Variants in TYR observed in about 807,000 individuals in gnomAD.
TYR encodes LB24-AB.
In TYR, 58 loss-of-function variants were observed where a neutral mutation model predicts 51.5. That is an observed-to-expected ratio of 1.13 (90% CI 0.91 to 1.40). TYR has a LOEUF of 1.40. Among genes scored for constraint, TYR ranks in the 40% most tolerant of loss-of-function variants. The pLI is 0.00. For missense variants in TYR, 732 were observed against 647.4 expected, an observed-to-expected ratio of 1.13 and a Z score of -1.42; for synonymous variants, 263 against 235.2, an observed-to-expected ratio of 1.12 and a Z score of -1.08.
chr11:89,287,416 T>C (rs1335632436), intron 4 of TYR, among the ~76,000 whole-genome samples: 1 of 151,972 alleles, frequency 6.6e-6, no homozygotes, highest in Non-Finnish European at 1.5e-5. Context: ...TTGTTTATTC[T>C]TTACATACAC....
In TYR at chr11:89,227,972, T is replaced by C. The variant is rs758119014; in HGVS notation, c.1184+2T>C. The C allele has an allele frequency of 1.2e-6, 2 of 1,613,138 alleles. No individual in the cohort carries two copies. Among genetic ancestry groups the C allele is most frequent in the South Asian group, 2.2e-5 (2 of 91,064 alleles). On this transcript the variant is annotated splice_donor_variant, in intron 3 of 4. Coordinates refer to ENST00000263321, the MANE Select transcript of TYR (RefSeq NM_000372.5). LOFTEE classifies it high-confidence loss of function. ...TCTTCACCATGCATTTGTTGACAGG[T>C]TGGTTAATATTTCTTTATAAATAAC...
intron 4 of TYR, among the ~76,000 whole-genome samples, chr11:89,285,634 T>C (rs1162884395): frequency 2.0e-5 from 3 of 151,794 alleles, no homozygotes; most frequent in Non-Finnish European, 4.4e-5. Flanking sequence ...TCCTTCTACC[T>C]GAAAGTCCAC....
chr11:89,261,838 C>A (rs1167621599), intron 3 of TYR, among the ~76,000 whole-genome samples: 2 of 151,572 alleles, frequency 1.3e-5, no homozygotes, highest in African/African-American at 4.8e-5. Context: ...AGATTGAAAT[C>A]ATACAAGGTA....
intron 1 of TYR, among the ~76,000 whole-genome samples, chr11:89,188,741 T>C (rs1308244919): frequency 6.7e-6 from 1 of 149,382 alleles, no homozygotes; most frequent in Non-Finnish European, 1.5e-5. Context: ...AATGAAGATA[T>C]GAATAACCCA....
intron 2 of TYR, among the ~76,000 whole-genome samples, chr11:89,225,896 A>C (rs1359072346): frequency 1.3e-5 from 2 of 152,026 alleles, no homozygotes; most frequent in Non-Finnish European, 2.9e-5. Context: ...GAGGTGATTG[A>C]TATTCCAATT....
intron 3 of TYR, among the ~76,000 whole-genome samples, chr11:89,269,368 T>C (rs1944562959): frequency 6.6e-6 from 1 of 151,960 alleles, no homozygotes; most frequent in Non-Finnish European, 1.5e-5. Context: ...GCTCATTTTA[T>C]TTGAGTGCAA....
At chr11:89,290,337 A>T (rs1290836742) in intron 4 of TYR, among the ~76,000 whole-genome samples, 1 of 152,074 alleles carries the variant, frequency 6.6e-6, no homozygotes, top group Non-Finnish European at 1.5e-5. Flanking sequence ...GACCACTTGG[A>T]ATGAATTAAA....
At chr11:89,180,785 T>C (rs1943290902) in intron 1 of TYR, among the ~76,000 whole-genome samples, 2 of 152,164 alleles carry the variant, frequency 1.3e-5, no homozygotes, top group Admixed American at 1.3e-4. Flanking sequence ...CAAGGGCTTA[T>C]TAGTGGCAAA....
chr11:89,210,501 C>G (rs557993967), intron 2 of TYR, among the ~76,000 whole-genome samples: 1 of 152,254 alleles, frequency 6.6e-6, no homozygotes, highest in African/African-American at 2.4e-5. Context: ...GATTCGTGTA[C>G]CTGAAAGTGA....
chr11:89,198,233 A>G (rs955823062), intron 2 of TYR, among the ~76,000 whole-genome samples: 5 of 152,124 alleles, frequency 3.3e-5, no homozygotes, highest in Non-Finnish European at 7.4e-5. Context: ...ACAACAAAAA[A>G]AAAGGTCACA....
At chr11:89,216,752 A>T (rs780188046) in intron 2 of TYR, among the ~76,000 whole-genome samples, 1 of 151,754 alleles carries the variant, frequency 6.6e-6, no homozygotes, top group African/African-American at 2.4e-5. Flanking sequence ...GATCTTCAAG[A>T]TCTGGTAGTG....
intron 2 of TYR, among the ~76,000 whole-genome samples, chr11:89,223,463 T>C (rs1591165624): frequency 6.6e-6 from 1 of 152,288 alleles, no homozygotes. Context: ...AAATAGTTTG[T>C]TCACATTTTT....
chr11:89,251,817 A>C (rs1944333544), intron 3 of TYR, among the ~76,000 whole-genome samples: 1 of 151,792 alleles, frequency 6.6e-6, no homozygotes, highest in African/African-American at 2.4e-5. Context: ...CCTTAACACC[A>C]ATGATCCCTG....
intron 3 of TYR, among the ~76,000 whole-genome samples, chr11:89,229,202 A>G (rs1274573389): frequency 1.3e-5 from 2 of 152,110 alleles, no homozygotes; most frequent in Admixed American, 1.3e-4. Context: ...GCAGATTTTT[A>G]TTGGCTTCAT....
At position 89,231,683 on chromosome 11, in the gene TYR, C is replaced by T. The variant is rs759167393; in HGVS notation, c.1184+3713C>T. Among the ~76,000 whole-genome samples, 21 of 142,410 alleles carry T rather than the reference C, an allele frequency of 1.5e-4. 2 individuals are homozygous for T. The highest frequency in any genetic ancestry group is 2.0e-4 in the African/African-American group (7 of 35,840). The allele number at this position is 142,410 out of a possible 152,430, so 93.4% of individuals were successfully genotyped here. A position where few individuals can be genotyped will look rare whatever the true frequency, so the allele number is the denominator to read the frequency against. ...AAGTTGGACAAATGATACAAAATTT[C>T]AGTTAAGTATAAGAAGTAGGCTGAG... On this transcript the variant is annotated intron_variant, in intron 3 of 4. Transcript: ENST00000263321.
At chr11:89,205,295 G>A (rs1943658745) in intron 2 of TYR, among the ~76,000 whole-genome samples, 1 of 152,134 alleles carries the variant, frequency 6.6e-6, no homozygotes, top group Non-Finnish European at 1.5e-5. Context: ...GAACTTTTGT[G>A]TTATTAGTGT....
intron 3 of TYR, among the ~76,000 whole-genome samples, chr11:89,253,790 C>G (rs944104492): frequency 1.3e-5 from 2 of 151,742 alleles, no homozygotes; most frequent in Admixed American, 6.6e-5. Context: ...GTTTGACTTC[C>G]TCTTTACCAA....
At chr11:89,241,344 C>T (rs1448443036) in intron 3 of TYR, among the ~76,000 whole-genome samples, 5 of 152,174 alleles carry the variant, frequency 3.3e-5, no homozygotes, top group Non-Finnish European at 7.4e-5. Flanking sequence ...CCTCCTCATG[C>T]TGTACTCTGC....
At chr11:89,279,460 C>G (rs1394006858) in intron 3 of TYR, among the ~76,000 whole-genome samples, 1 of 151,660 alleles carries the variant, frequency 6.6e-6, no homozygotes, top group Non-Finnish European at 1.5e-5. Context: ...TTCTCTCAGT[C>G]TATTACATTA....
Sources: gnomAD v4.1 joint callset for allele counts (sites outside exome capture counted in the v4.1 genomes callset) on GRCh38, gnomAD v4.1.1 for gene constraint, MANE v1.5 for transcripts, NCBI Gene and HGNC (gene_info 2026-07-23, HGNC 2026-07-21) for gene names.